The following TNS1 variants were observed in gnomAD, a reference collection of about 807,000 sequenced individuals.
The protein encoded by TNS1 is tensin-1.
Under a neutral mutation model 168.6 loss-of-function variants are expected in TNS1, and 62 were observed. The ratio of observed to expected loss-of-function variants is 0.37; its 90% confidence interval spans 0.30 to 0.45. The LOEUF (loss-of-function observed/expected upper bound fraction) is 0.45, where lower values mean the gene tolerates loss of function less well. Among genes scored for constraint, TNS1 ranks in the 20% least tolerant of loss-of-function variants. The pLI is 1.00. For missense variants in TNS1, 2,240 were observed against 2,339.4 expected, an observed-to-expected ratio of 0.96 and a Z score of 0.88; for synonymous variants, 934 against 933.2, an observed-to-expected ratio of 1.00 and a Z score of -0.02.
intron 9 of TNS1, among the ~76,000 whole-genome samples, chr2:217,893,973 G>A (rs1374692484): frequency 2.0e-5 from 3 of 152,276 alleles, no homozygotes; most frequent in South Asian, 2.1e-4. Flanking sequence ...CTTCTCCTAC[G>A]GACAGCCCTG....
Position 217,842,161 on chromosome 2 carries a change from C to T in TNS1, c.3007+5349G>A. The T allele has an allele frequency of 5.7e-6, 4 of 702,504 alleles. No individual in the cohort carries two copies. The East Asian group carries it at 1.1e-4, about 19-fold the overall frequency. 43.5% of individuals were successfully genotyped at this position (702,504 alleles called of 1,614,324 possible). A position where few individuals can be genotyped will look rare whatever the true frequency, so the allele number is the denominator to read the frequency against. On this transcript the variant is annotated intron_variant, in intron 19 of 32. Coordinates refer to ENST00000682258, the MANE Select transcript of TNS1 (RefSeq NM_001387777.1). ...CCAGGACTCCATCCTTGGGACCTCT[C>T]CTTACCTGTCCTCAACCCCTCGGTG...
chr2:217,993,479 C>A (rs895529183), intron 1 of TNS1, among the ~76,000 whole-genome samples: 3 of 152,224 alleles, frequency 2.0e-5, no homozygotes, highest in African/African-American at 7.2e-5. Flanking sequence ...TCTGCGGTAT[C>A]CCTGCCAGAA....
At chr2:217,950,796 C>T (rs1268132832) in intron 3 of TNS1, among the ~76,000 whole-genome samples, 2 of 151,690 alleles carry the variant, frequency 1.3e-5, no homozygotes, top group African/African-American at 4.8e-5. Context: ...TCTTCCTCCT[C>T]TGCACTCTTC....
upstream of TNS1, among the ~76,000 whole-genome samples, chr2:218,006,973 A>C (rs544217989): frequency 1.3e-5 from 2 of 152,166 alleles, no homozygotes; most frequent in Non-Finnish European, 2.9e-5. Context: ...CACAGAGCCC[A>C]TAAAAAGCAG....
intron 19 of TNS1, among the ~76,000 whole-genome samples, chr2:217,840,368 T>G (rs775130610): frequency 1.3e-5 from 2 of 152,214 alleles, no homozygotes; most frequent in African/African-American, 2.4e-5. Flanking sequence ...CATTCTCAAA[T>G]GAATTACTGT....
intron 18 of TNS1, chr2:217,859,519 G>A (rs867818007): frequency 1.2e-6 from 1 of 843,478 alleles, no homozygotes; most frequent in East Asian, 2.7e-5. Flanking sequence ...AGGGCTCCAG[G>A]AGGGGACAGG....
chr2:217,927,118 G>T (rs1397041039), intron 3 of TNS1, among the ~76,000 whole-genome samples: 2 of 152,246 alleles, frequency 1.3e-5, no homozygotes, highest in Non-Finnish European at 2.9e-5. Context: ...CCATTGAGAA[G>T]TCCCCATGCC....
Position 217,880,369 on chromosome 2 carries a change from T to C in TNS1, c.1429+529A>G, listed in dbSNP as rs544466445. On this transcript the variant is annotated intron_variant, in intron 18 of 32. Transcript: ENST00000682258. The surrounding 1 kb of genome is among the most constrained non-coding windows in gnomAD (Gnocchi z 4.2). Reference sequence around the variant, plus strand: ...GTTTGTTCCCAGCTCTCAAACATTTTTGTTGGCTGTTGATGAAAGCTTGTA... The same window carrying C: ...GTTTGTTCCCAGCTCTCAAACATTTCTGTTGGCTGTTGATGAAAGCTTGTA... Among the ~76,000 whole-genome samples, 20 of 152,364 alleles carry C rather than the reference T, an allele frequency of 1.3e-4. No homozygotes were observed. The East Asian group carries it at 3.9e-3, about 29-fold the overall frequency.
At position 217,818,275 on chromosome 2, in the gene TNS1, G is replaced by A. The variant is rs768650809; in HGVS notation, c.4057C>T (p.His1353Tyr). The A allele has an allele frequency of 1.0e-4, 167 of 1,613,626 alleles. No individual in the cohort carries two copies. The highest frequency in any genetic ancestry group is 1.4e-4 in the Non-Finnish European group (164 of 1,179,726). The part of the protein sequence containing the change: ...TTPGSPSLCR[H>Y]PAGVYQVSGL... ...GAAACCTGGTAGACCCCTGCTGGGT[G>A]CCGACACAGGCTGGGGCTCCCCGGG... is the stretch of plus-strand genomic sequence containing the variant. The change falls in exon 24 of 33, where the codon CAC (histidine) becomes TAC (tyrosine). Residue 1353 changes from histidine (H) to tyrosine (Y), a missense_variant. This residue lies in a region of TNS1 where 2,131 missense variants were observed against 2,171.2 expected (regional missense o/e 0.98). Transcript: ENST00000682258.
upstream of TNS1, among the ~76,000 whole-genome samples, chr2:218,013,255 CAAAA>C (rs34465614): frequency 7.5e-6 from 1 of 132,744 alleles, no homozygotes; most frequent in Admixed American, 7.7e-5. Flanking sequence ...GACTCTATCT[CAAAA>C]AAAAAAAAAA....
chr2:217,849,542 C>T (rs1287566108), intron 18 of TNS1: 1 of 582,714 alleles, frequency 1.7e-6, no homozygotes, highest in Non-Finnish European at 2.2e-6. Context: ...CATGCTGAGA[C>T]CAGTTCCTGG....
intron 18 of TNS1, among the ~76,000 whole-genome samples, chr2:217,852,396 C>A (rs544279756): frequency 6.6e-6 from 1 of 152,188 alleles, no homozygotes; most frequent in South Asian, 2.1e-4. Flanking sequence ...GCCAGTGATC[C>A]CCTCCATCCT....
At chr2:217,847,208 C>T (rs1335086342) in intron 19 of TNS1, among the ~76,000 whole-genome samples, 2 of 152,360 alleles carry the variant, frequency 1.3e-5, no homozygotes, top group East Asian at 3.9e-4. Context: ...GGTCCCACCT[C>T]TGTCACCGTA....
chr2:217,851,349 A>G (rs1947456877), intron 18 of TNS1, among the ~76,000 whole-genome samples: 1 of 151,678 alleles, frequency 6.6e-6, no homozygotes, highest in Non-Finnish European at 1.5e-5. Flanking sequence ...GGAACATCCC[A>G]ATCAACATAC....
intron 2 of TNS1, among the ~76,000 whole-genome samples, chr2:217,988,565 C>T (rs1024377497): frequency 8.5e-5 from 13 of 152,346 alleles, no homozygotes; most frequent in African/African-American, 3.1e-4. Context: ...ATTTATGCAT[C>T]TTCGCAGGGC....
intron 10 of TNS1, 105 bp from the exon 11 acceptor site, chr2:217,893,117 GGT>G: frequency 7.1e-7 from 1 of 1,410,058 alleles, no homozygotes; most frequent in Non-Finnish European, 9.9e-7. Context: ...TGGAGAGAGG[GGT>G]GTGGATTTAA....
chr2:217,841,298 C>CA (rs1382031930), intron 19 of TNS1: 1 of 984,418 alleles, frequency 1.0e-6, no homozygotes, highest in Non-Finnish European at 1.2e-6. Context: ...GCCCACCCCC[C>CA]ACCCCAGGGG....
intron 18 of TNS1, among the ~76,000 whole-genome samples, chr2:217,870,953 G>C (rs564239659): frequency 1.2e-4 from 18 of 152,332 alleles, no homozygotes; most frequent in African/African-American, 4.1e-4. Flanking sequence ...GAATTCTCAA[G>C]ACTAATTGTG....
chr2:217,872,624 T>A (rs942485239), intron 18 of TNS1, among the ~76,000 whole-genome samples: 3 of 152,226 alleles, frequency 2.0e-5, no homozygotes, highest in Admixed American at 6.5e-5. Context: ...GTAGCCACTT[T>A]GGGAAACACT....
Sources: gnomAD v4.1 joint callset for allele counts (sites outside exome capture counted in the v4.1 genomes callset) on GRCh38, gnomAD v4.1.1 for gene constraint, gnomAD v4.1.1 regional missense constraint, Gnocchi (gnomAD v3.1) non-coding constraint, MANE v1.5 for transcripts, NCBI Gene and HGNC (gene_info 2026-07-23, HGNC 2026-07-21) for gene names.